SGSM1: variants seen among roughly 807,000 people sequenced by gnomAD.
SGSM1 encodes RUN and TBC1 domain containing 2.
A neutral mutation model predicts 133.8 loss-of-function variants in SGSM1; 73 were observed. That is an observed-to-expected ratio of 0.55 (90% CI 0.45 to 0.66). The LOEUF (loss-of-function observed/expected upper bound fraction) is 0.66, where lower values mean the gene tolerates loss of function less well. Ranked by LOEUF, SGSM1 falls within the 30% of genes least tolerant of loss-of-function variation. The pLI, the probability that SGSM1 is intolerant of heterozygous loss-of-function variation, is 0.00. For missense variants in SGSM1, 1,213 were observed against 1,448.1 expected, an observed-to-expected ratio of 0.84 and a Z score of 2.64; for synonymous variants, 563 against 573.0, an observed-to-expected ratio of 0.98 and a Z score of 0.25.
intron 18 of SGSM1, among the ~76,000 whole-genome samples, chr22:24,896,890 T>C (rs979981007): frequency 4.0e-5 from 6 of 151,780 alleles, no homozygotes; most frequent in Admixed American, 6.6e-5. Flanking sequence ...GGCAGGAAAA[T>C]TGCTTGAACC....
chr22:24,914,190 G>C (rs1233537192), intron 22 of SGSM1, among the ~76,000 whole-genome samples: 1 of 151,778 alleles, frequency 6.6e-6, no homozygotes, highest in Admixed American at 6.6e-5. Flanking sequence ...CTACTCAGGA[G>C]GCTGAGGCAG....
chr22:24,834,479 G>A (rs557491877), intron 2 of SGSM1, among the ~76,000 whole-genome samples: 1 of 152,290 alleles, frequency 6.6e-6, no homozygotes, highest in South Asian at 2.1e-4. Context: ...TTTAATAGTT[G>A]ACATGGAGAT....
chr22:24,854,818 A>G (rs1360968535), intron 5 of SGSM1, among the ~76,000 whole-genome samples, 178 bp from the exon 6 acceptor site: 1 of 152,154 alleles, frequency 6.6e-6, no homozygotes, highest in Non-Finnish European at 1.5e-5. Context: ...CTTATCTTAA[A>G]AAAAAGAAAT....
At chr22:24,897,304 C>T (rs564607152) in intron 18 of SGSM1, among the ~76,000 whole-genome samples, 152 of 152,160 alleles carry the variant, frequency 1.0e-3, no homozygotes, top group Non-Finnish European at 1.8e-3. Flanking sequence ...CACTTGATCC[C>T]GGGAGGTGGA....
chr22:24,901,767 T>G, intron 19 of SGSM1, 66 bp from the exon 20 acceptor site: 1 of 1,564,018 alleles, frequency 6.4e-7, no homozygotes, highest in Non-Finnish European at 8.7e-7. Flanking sequence ...GATTGCTGCT[T>G]TCCAGTGGGG....
At chr22:24,907,974 C>T (rs11914055) in intron 21 of SGSM1, among the ~76,000 whole-genome samples, 16,411 of 140,130 alleles carry the variant, frequency 0.12, 1,162 homozygotes, top group African/African-American at 0.19. Flanking sequence ...TCAAAACCTA[C>T]TACAAAGATA....
intron 21 of SGSM1, among the ~76,000 whole-genome samples, chr22:24,906,691 G>A (rs550858675): frequency 5.9e-5 from 9 of 152,300 alleles, no homozygotes; most frequent in South Asian, 2.1e-4. Context: ...CCAGCGTTTC[G>A]GGAGGCCAAG....
intron 5 of SGSM1, among the ~76,000 whole-genome samples, chr22:24,851,420 A>T (rs1379311589): frequency 1.4e-5 from 1 of 70,424 alleles, no homozygotes; most frequent in East Asian, 4.6e-4. Flanking sequence ...AGCCCCCAAG[A>T]GGTGGCAGGA....
In SGSM1 at chr22:24,860,897, TAAAA is replaced by T. The variant is rs554853690; in HGVS notation, c.926+1080_926+1083del. Among the ~76,000 whole-genome samples, 239 of 43,810 alleles carry T rather than the reference TAAAA, an allele frequency of 5.5e-3. 2 individuals carry two copies. The highest frequency in any genetic ancestry group is 0.022 in the South Asian group (21 of 958). The allele number at this position is 43,810 out of a possible 152,430, so 28.7% of individuals were successfully genotyped here. A position where few individuals can be genotyped will look rare whatever the true frequency, so the allele number is the denominator to read the frequency against. Reference sequence around the variant, plus strand: ...CCTGGGTGACAGAGCGAGACTGTCTTAAAAAAAAAAAAAAAAAAAAAAAAAATAT... The same window carrying T: ...CCTGGGTGACAGAGCGAGACTGTCTTAAAAAAAAAAAAAAAAAAAAAATAT... On this transcript the variant is annotated intron_variant, in intron 9 of 24. Transcript: ENST00000400358.
chr22:24,847,879 C>T, intron 4 of SGSM1, 83 bp downstream of exon 4: 2 of 1,499,504 alleles, frequency 1.3e-6, no homozygotes, highest in Non-Finnish European at 9.0e-7. Flanking sequence ...GAGCCTGCAA[C>T]CCCTAGCACT....
intron 8 of SGSM1, among the ~76,000 whole-genome samples, chr22:24,856,793 G>A (rs1486212965): frequency 6.8e-6 from 1 of 146,102 alleles, no homozygotes; most frequent in Non-Finnish European, 1.5e-5. Context: ...TTCTGAGACA[G>A]AGTCTCGCTC....
intron 5 of SGSM1, among the ~76,000 whole-genome samples, chr22:24,851,827 C>G (rs1044696393): frequency 2.0e-5 from 3 of 152,154 alleles, no homozygotes; most frequent in African/African-American, 7.2e-5. Flanking sequence ...CAAAGTGTTT[C>G]TGGTGGAGGG....
chr22:24,806,235 C>T lies in SGSM1; in HGVS notation c.-91C>T. On this transcript the variant is annotated 5_prime_UTR_variant, in exon 1 of 25. Coordinates refer to ENST00000400358, the MANE Select transcript of SGSM1 (RefSeq NM_001098497.3). The stretch of plus-strand genomic sequence containing the variant: ...CACTCAGCGCTCGGCCCCGCCCCGC[C>T]GCGGCTGCAGCAGCAGCGCCGCGGC... 2.3e-6 allele frequency: 3 copies of T among 1,298,304 alleles called. No homozygotes were observed. Among genetic ancestry groups the T allele is most frequent in the Admixed American group, 4.3e-5 (1 of 23,484 alleles). 80.4% of individuals were successfully genotyped at this position (1,298,304 alleles called of 1,614,324 possible).
intron 16 of SGSM1, among the ~76,000 whole-genome samples, chr22:24,888,296 C>T (rs1010355156): frequency 6.6e-6 from 1 of 152,066 alleles, no homozygotes; most frequent in Non-Finnish European, 1.5e-5. Flanking sequence ...TCTTCTCCTA[C>T]GATTTATCCT....
chr22:24,892,884 T>TAAA (rs71320793), intron 16 of SGSM1, among the ~76,000 whole-genome samples: 2,839 of 118,632 alleles, frequency 0.024, 103 homozygotes, highest in African/African-American at 0.082. Context: ...CCGTCTCTAC[T>TAAA]AAAAAAAAAA....
At chr22:24,899,838 A>G (rs116556667) in intron 19 of SGSM1, among the ~76,000 whole-genome samples, 1,791 of 150,898 alleles carry the variant, frequency 0.012, 39 homozygotes, top group African/African-American at 0.041. Context: ...CTTTTTTATC[A>G]TTTCTTTGTC....
At chr22:24,850,469 C>A (rs1249332822) in intron 5 of SGSM1, 37 bp downstream of exon 5, 1 of 1,598,424 alleles carries the variant, frequency 6.3e-7, no homozygotes, top group Non-Finnish European at 8.5e-7. Context: ...CCATGCTCTG[C>A]CCCCACCTGC....
At chr22:24,806,942 C>T (rs1927435102) in intron 2 of SGSM1, among the ~76,000 whole-genome samples, 1 of 152,066 alleles carries the variant, frequency 6.6e-6, no homozygotes, top group Non-Finnish European at 1.5e-5. Context: ...TAAAACCTCC[C>T]TTCCCAGCCC....
At chr22:24,920,077 C>T (rs532579055) in intron 24 of SGSM1, 84 bp downstream of exon 24, 1 of 1,405,446 alleles carries the variant, frequency 7.1e-7, no homozygotes, top group African/African-American at 1.4e-5. Flanking sequence ...TGAAGATGGG[C>T]TGAGATGGAT....
Sources: allele counts gnomAD v4.1 joint callset (sites outside exome capture counted in the v4.1 genomes callset), GRCh38; gene constraint gnomAD v4.1.1; transcripts MANE v1.5; gene names NCBI Gene and HGNC (gene_info 2026-07-23, HGNC 2026-07-21).